PCDH11X: variants seen among roughly 807,000 people sequenced by gnomAD.
The protein encoded by PCDH11X is protocadherin-11 X-linked.
Under a neutral mutation model 53.3 loss-of-function variants are expected in PCDH11X, and 18 were observed. The ratio of observed to expected loss-of-function variants is 0.34; its 90% CI spans 0.23 to 0.50. The LOEUF is 0.50. Ranked by LOEUF, PCDH11X falls within the 20% of genes least tolerant of loss-of-function variation. The pLI is 0.98. For synonymous variants in PCDH11X, 279 were observed against 393.3 expected, an observed-to-expected ratio of 0.71 and a Z score of 3.44; for missense variants, 570 against 1,032.4, an observed-to-expected ratio of 0.55 and a Z score of 6.14.
chrX:92,190,247 T>A (rs1283656508), intron 6 of PCDH11X, among the ~76,000 whole-genome samples: 1 of 111,311 alleles, frequency 9.0e-6, no homozygotes, highest in Non-Finnish European at 1.9e-5. Flanking sequence ...ATATCAGATG[T>A]AAGGAAGAGG....
chrX:91,988,842 T>C (rs1363877104), intron 6 of PCDH11X, among the ~76,000 whole-genome samples: 1 of 111,672 alleles, frequency 9.0e-6, no homozygotes, highest in Non-Finnish European at 1.9e-5. Context: ...AGAATGATTA[T>C]ACTACTCAAT....
At chrX:92,251,978 A>T (rs2148399033) in intron 7 of PCDH11X, among the ~76,000 whole-genome samples, 1 of 111,720 alleles carries the variant, frequency 9.0e-6, no homozygotes, top group African/African-American at 3.2e-5. Context: ...ATAAGACAAT[A>T]GAAATACCTA....
intron 6 of PCDH11X, among the ~76,000 whole-genome samples, chrX:92,111,751 CATTTATTT>C (rs201100000): frequency 9.2e-5 from 10 of 108,744 alleles, no homozygotes; most frequent in African/African-American, 3.1e-4. Context: ...TCTCATTTTT[CATTTATTT>C]ATTTATTTAT....
At chrX:92,429,187 A>G (rs1170348598) in intron 9 of PCDH11X, among the ~76,000 whole-genome samples, 1 of 111,648 alleles carries the variant, frequency 9.0e-6, no homozygotes, top group Non-Finnish European at 1.9e-5. Context: ...TACCTGTATC[A>G]TAAAGCCTAC....
chrX:92,241,508 T>C (rs1312321181), intron 7 of PCDH11X, among the ~76,000 whole-genome samples: 1 of 112,173 alleles, frequency 8.9e-6, no homozygotes, highest in African/African-American at 3.2e-5. Context: ...GTTTCTTGGT[T>C]AGATATTATT....
chrX:91,925,102 A>T (rs1006852096), intron 6 of PCDH11X, among the ~76,000 whole-genome samples: 2 of 110,159 alleles, frequency 1.8e-5, no homozygotes, highest in Admixed American at 9.8e-5. Context: ...CAGTGGGGTT[A>T]CATTATGATA....
intron 1 of PCDH11X, among the ~76,000 whole-genome samples, chrX:91,797,760 T>C (rs991442281): frequency 1.8e-5 from 2 of 108,528 alleles, no homozygotes; most frequent in African/African-American, 6.7e-5. Flanking sequence ...CTTAAGACAA[T>C]TAAAATGCAG....
At chrX:92,029,964 T>C (rs2148012475) in intron 6 of PCDH11X, among the ~76,000 whole-genome samples, 1 of 112,232 alleles carries the variant, frequency 8.9e-6, no homozygotes, top group Admixed American at 9.5e-5. Context: ...TCGGTTAAGC[T>C]ATATTTCAAT....
chrX:92,493,759 G>C lies in PCDH11X; in HGVS notation c.3367+25437G>C, dbSNP rs1408025748. On this transcript the variant is annotated intron_variant, in intron 10 of 10. Transcript: ENST00000682573. ...CCTCTCAGGTTCAAGCAATTCTCCT[G>C]TCTCAGCCTCCTGAGTAGCTGGGAT... is the stretch of plus-strand genomic sequence containing the variant. Among the ~76,000 whole-genome samples, 41 of 101,581 alleles carry C rather than the reference G, an allele frequency of 4.0e-4. 1 individual carries two copies. The highest frequency in any genetic ancestry group is 7.3e-4 in the Non-Finnish European group (37 of 50,612). 88.2% of individuals were successfully genotyped at this position (101,581 alleles called of 115,157 possible). A position where few individuals can be genotyped will look rare whatever the true frequency, so the allele number is the denominator to read the frequency against.
chrX:91,974,622 A>G (rs1402311104), intron 6 of PCDH11X, among the ~76,000 whole-genome samples: 1 of 110,055 alleles, frequency 9.1e-6, no homozygotes, highest in Non-Finnish European at 1.9e-5. Context: ...ATGACAGGGA[A>G]GATGGTGGTG....
At chrX:92,495,176 C>T (rs779624961) in intron 10 of PCDH11X, among the ~76,000 whole-genome samples, 6 of 110,817 alleles carry the variant, frequency 5.4e-5, no homozygotes, top group Non-Finnish European at 7.6e-5. Context: ...TCAACTCAAG[C>T]GAATTGCTTA....
In PCDH11X at chrX:92,030,182, C is replaced by T. The variant is rs946316463; in HGVS notation, c.3033+150909C>T. Among the ~76,000 whole-genome samples, 6 of 111,433 alleles carry T rather than the reference C, an allele frequency of 5.4e-5. 2 individuals carry two copies. In the South Asian group the frequency reaches 2.3e-3, roughly 42 times the overall value. On this transcript the variant is annotated intron_variant, in intron 6 of 10. Transcript: ENST00000682573. ...TTCACCTTGCTGGCCAGGATGGTCT[C>T]AATCTCTTGACCTCGTGATCTGCCC...
intron 8 of PCDH11X, among the ~76,000 whole-genome samples, chrX:92,352,850 A>G (rs932642587): frequency 9.0e-6 from 1 of 110,593 alleles, no homozygotes; most frequent in Admixed American, 9.6e-5. Flanking sequence ...GAATACCAGC[A>G]CAGTGTTTTG....
intron 9 of PCDH11X, among the ~76,000 whole-genome samples, chrX:92,410,714 G>A (rs2071625925): frequency 9.8e-6 from 1 of 101,690 alleles, no homozygotes; most frequent in African/African-American, 4.0e-5. Context: ...ATAAAATATA[G>A]CAGGAAATGT....
intron 10 of PCDH11X, among the ~76,000 whole-genome samples, chrX:92,511,798 AT>A (rs2074165950): frequency 9.0e-6 from 1 of 111,576 alleles, no homozygotes; most frequent in Non-Finnish European, 1.9e-5. Context: ...TCCACAATAC[AT>A]TATTTGCTTC....
chrX:92,402,862 C>T (rs6615379), intron 9 of PCDH11X, among the ~76,000 whole-genome samples: 13,732 of 111,372 alleles, frequency 0.12, 1,243 homozygotes, highest in East Asian at 0.64. Flanking sequence ...TAAGGAACAA[C>T]TGCTAAATTT....
At chrX:92,080,909 C>T (rs1363074728) in intron 6 of PCDH11X, among the ~76,000 whole-genome samples, 3 of 111,039 alleles carry the variant, frequency 2.7e-5, no homozygotes, top group Admixed American at 9.6e-5. Flanking sequence ...AGATTTTTCT[C>T]AGTCTCAGTT....
intron 5 of PCDH11X, among the ~76,000 whole-genome samples, chrX:91,853,843 A>T (rs1346465154): frequency 9.0e-6 from 1 of 110,771 alleles, no homozygotes; most frequent in Non-Finnish European, 1.9e-5. Context: ...TTTTTAATGT[A>T]TTTACTTTTT....
intron 10 of PCDH11X, among the ~76,000 whole-genome samples, chrX:92,571,377 A>T (rs370026266): frequency 1.1e-4 from 12 of 111,384 alleles, no homozygotes; most frequent in East Asian, 8.3e-4. Context: ...AATTTAATTT[A>T]TAAATTTAAG....
Sources: allele counts gnomAD v4.1 joint callset (sites outside exome capture counted in the v4.1 genomes callset), GRCh38; gene constraint gnomAD v4.1.1; transcripts MANE v1.5; gene names NCBI Gene and HGNC (gene_info 2026-07-23, HGNC 2026-07-21).